BFSP2: variants seen among roughly 807,000 people sequenced by gnomAD.
BFSP2 encodes the protein beaded filament structural protein 2, also known as phakinin.
In BFSP2, 38 loss-of-function variants were observed where a neutral mutation model predicts 44.9. The ratio of observed to expected loss-of-function variants is 0.85; its 90% CI spans 0.65 to 1.11. BFSP2 has a LOEUF of 1.11. BFSP2 is among the 50% of genes least tolerant of loss of function. BFSP2 has a pLI of 0.00. For missense variants in BFSP2, 525 were observed against 533.0 expected, an observed-to-expected ratio of 0.99 and a Z score of 0.15; for synonymous variants, 197 against 209.9, an observed-to-expected ratio of 0.94 and a Z score of 0.53.
chr3:133,425,496 A>T (rs984736894), intron 1 of BFSP2, among the ~76,000 whole-genome samples: 2 of 152,148 alleles, frequency 1.3e-5, no homozygotes, highest in Admixed American at 6.5e-5. Flanking sequence ...GAAAACATGG[A>T]GGGTCCCATG....
intron 1 of BFSP2, chr3:133,429,516 C>A (rs904284677): frequency 1.3e-5 from 2 of 152,198 alleles, no homozygotes; most frequent in Non-Finnish European, 2.9e-5. Flanking sequence ...ACGCAGGCAA[C>A]CTGCTTTACT....
chr3:133,433,712 CAGCCA>C (rs1385060430), intron 1 of BFSP2, among the ~76,000 whole-genome samples: 20 of 152,332 alleles, frequency 1.3e-4, no homozygotes, highest in African/African-American at 4.8e-4. Context: ...TTAGTCAAAT[CAGCCA>C]AGCATTTTTT....
At chr3:133,474,061 T>C (rs1026457629) in intron 6 of BFSP2, among the ~76,000 whole-genome samples, 3 of 152,164 alleles carry the variant, frequency 2.0e-5, no homozygotes, top group Non-Finnish European at 2.9e-5. Context: ...TAGTCTGCCA[T>C]AATTACACAC....
chr3:133,404,610 C>A (rs1442570313), intron 1 of BFSP2, among the ~76,000 whole-genome samples: 1 of 152,172 alleles, frequency 6.6e-6, no homozygotes, highest in Non-Finnish European at 1.5e-5. Context: ...GCATGAGCAT[C>A]CCCATTCCCC....
chr3:133,470,936 T>C (rs1017299407), intron 5 of BFSP2, among the ~76,000 whole-genome samples: 8 of 152,056 alleles, frequency 5.3e-5, no homozygotes, highest in Non-Finnish European at 8.8e-5. Flanking sequence ...ACCTCTAAGC[T>C]TGGACTTGGG....
intron 1 of BFSP2, among the ~76,000 whole-genome samples, chr3:133,437,321 C>G (rs1051847376): frequency 2.6e-5 from 4 of 152,072 alleles, no homozygotes; most frequent in Non-Finnish European, 5.9e-5. Flanking sequence ...GTTGGAAGTT[C>G]GAGACCAGCC....
rs979064969 is a variant in BFSP2 at position 133,400,915 on chromosome 3, G to C, written c.489+343G>C. Among the ~76,000 whole-genome samples the C allele has an allele frequency of 6.6e-6, 1 of 152,174 alleles. No individual in the cohort carries two copies. Among genetic ancestry groups the C allele is most frequent in the African/African-American group, 2.4e-5 (1 of 41,436 alleles). ...AGGGATGGAGATGAGATTTGAACCT[G>C]AATTTTTGTGCCTCCAAAGTTGCAT... On this transcript the variant is annotated intron_variant, in intron 1 of 6. Coordinates refer to ENST00000302334, the MANE Select transcript of BFSP2 (RefSeq NM_003571.4). This position sits in a 1 kb window ranked among gnomAD's most constrained non-coding sequence, Gnocchi z 4.0.
At chr3:133,406,491 CTA>C (rs1164624615) in intron 1 of BFSP2, among the ~76,000 whole-genome samples, 1 of 152,118 alleles carries the variant, frequency 6.6e-6, no homozygotes, top group Non-Finnish European at 1.5e-5. Flanking sequence ...TCCATGAAAA[CTA>C]GGGAAAATTA....
At chr3:133,453,837 TAA>T (rs2073988536) in intron 4 of BFSP2, among the ~76,000 whole-genome samples, 1 of 152,172 alleles carries the variant, frequency 6.6e-6, no homozygotes, top group Non-Finnish European at 1.5e-5. Flanking sequence ...TTTCAGTCAT[TAA>T]AAGCTTAATA....
At chr3:133,403,982 CGTCCT>C (rs1488568502) in intron 1 of BFSP2, among the ~76,000 whole-genome samples, 1 of 96,012 alleles carries the variant, frequency 1.0e-5, no homozygotes, top group Non-Finnish European at 2.6e-5. Flanking sequence ...TCAGGAAGGC[CGTCCT>C]GGGGAGGGGG....
At chr3:133,445,885 G>A (rs2073892034) in intron 1 of BFSP2, among the ~76,000 whole-genome samples, 1 of 149,426 alleles carries the variant, frequency 6.7e-6, no homozygotes, top group South Asian at 2.1e-4. Context: ...TAATTTTGGA[G>A]GGTAGGAATT....
At chr3:133,441,339 T>G (rs1409540841) in intron 1 of BFSP2, among the ~76,000 whole-genome samples, 1 of 152,190 alleles carries the variant, frequency 6.6e-6, no homozygotes, top group African/African-American at 2.4e-5. Context: ...GCCACTGGTG[T>G]GAGCCCCTGC....
chr3:133,422,537 G>A (rs1014249012), intron 1 of BFSP2, among the ~76,000 whole-genome samples: 6 of 152,268 alleles, frequency 3.9e-5, no homozygotes, highest in African/African-American at 9.6e-5. Context: ...TCCCAAGCCC[G>A]CAGCCATAGA....
chr3:133,443,578 G>A (rs1414323092), intron 1 of BFSP2, among the ~76,000 whole-genome samples: 1 of 152,204 alleles, frequency 6.6e-6, no homozygotes, highest in African/African-American at 2.4e-5. Flanking sequence ...CATCTGCCGG[G>A]CTTGGTAATA....
At chr3:133,410,591 T>C in intron 1 of BFSP2, 1 of 288,770 alleles carries the variant, frequency 3.5e-6, no homozygotes, top group South Asian at 4.4e-5. Flanking sequence ...CTTTTCCAAG[T>C]GGGCAGCACT....
At chr3:133,471,525 G>A (rs2074161528) in intron 5 of BFSP2, among the ~76,000 whole-genome samples, 2 of 152,194 alleles carry the variant, frequency 1.3e-5, no homozygotes, top group Non-Finnish European at 1.5e-5. Context: ...ACACCTTGAT[G>A]TGAGGTCTGA....
rs569329033 is a variant in BFSP2, at chr3:133,430,692, T to C, written c.490-16625T>C. ...GTCCCTCTCTAGTCTCTGTTCCCAA[T>C]GCAACTCATCCCAAATCTTCCTTCT... On this transcript the variant is annotated intron_variant, in intron 1 of 6. Transcript: ENST00000302334. Among the ~76,000 whole-genome samples the C allele has an allele frequency of 5.0e-3, 766 of 152,254 alleles. 7 individuals carry two copies. Among genetic ancestry groups the C allele is most frequent in the African/African-American group, 0.017 (723 of 41,538 alleles).
At chr3:133,437,177 C>T (rs1449417640) in intron 1 of BFSP2, among the ~76,000 whole-genome samples, 2 of 152,080 alleles carry the variant, frequency 1.3e-5, no homozygotes, top group African/African-American at 4.8e-5. Flanking sequence ...TGAGGAATTG[C>T]CACACTGTCT....
chr3:133,401,614 C>T (rs1436278983), intron 1 of BFSP2, among the ~76,000 whole-genome samples: 1 of 152,140 alleles, frequency 6.6e-6, no homozygotes, highest in African/African-American at 2.4e-5. Context: ...AGCATTACAC[C>T]TCTCAGCTGG....
Sources: allele counts gnomAD v4.1 joint callset (sites outside exome capture counted in the v4.1 genomes callset), GRCh38; gene constraint gnomAD v4.1.1; non-coding constraint Gnocchi (gnomAD v3.1); transcripts MANE v1.5; gene names NCBI Gene and HGNC (gene_info 2026-07-23, HGNC 2026-07-21).